The following MMRN1 variants were observed in gnomAD, a reference collection of about 807,000 sequenced individuals.
MMRN1 encodes the protein multimerin 1, also known as multimerin-1.
In MMRN1, 94 loss-of-function variants were observed where a neutral mutation model predicts 100.7. The ratio of observed to expected loss-of-function variants is 0.93; its 90% CI spans 0.79 to 1.11. The LOEUF is 1.11. MMRN1 is among the 50% of genes least tolerant of loss of function. The pLI, the probability that MMRN1 is intolerant of heterozygous loss-of-function variation, is 0.00. For missense variants in MMRN1, 1,606 were observed against 1,439.1 expected, an observed-to-expected ratio of 1.12 and a Z score of -1.88; for synonymous variants, 575 against 505.0, an observed-to-expected ratio of 1.14 and a Z score of -1.86.
intron 1 of MMRN1, among the ~76,000 whole-genome samples, chr4:89,898,518 T>G (rs917594275): frequency 6.6e-6 from 1 of 151,828 alleles, no homozygotes. Flanking sequence ...CTCGTGAGGC[T>G]TCACAGGCTA....
chr4:89,942,462 T>A (rs1051307891), intron 6 of MMRN1, among the ~76,000 whole-genome samples: 2 of 152,186 alleles, frequency 1.3e-5, no homozygotes, highest in Admixed American at 1.3e-4. Flanking sequence ...CATGATATTT[T>A]CATCCTGACA....
At chr4:89,903,955 T>C (rs1256386924) in intron 1 of MMRN1, among the ~76,000 whole-genome samples, 1 of 148,644 alleles carries the variant, frequency 6.7e-6, no homozygotes, top group Non-Finnish European at 1.5e-5. Flanking sequence ...TTCACACCTA[T>C]GTGTGCAGTT....
intron 1 of MMRN1, among the ~76,000 whole-genome samples, chr4:89,880,622 A>T (rs191247247): frequency 1.2e-4 from 18 of 152,316 alleles, no homozygotes; most frequent in African/African-American, 4.1e-4. Flanking sequence ...GTCCCTTCTC[A>T]TGATGAGAGG....
At chr4:89,942,433 A>G (rs1349092235) in intron 6 of MMRN1, among the ~76,000 whole-genome samples, 2 of 152,174 alleles carry the variant, frequency 1.3e-5, no homozygotes, top group Non-Finnish European at 2.9e-5. Context: ...TAAATTTGCT[A>G]TGGAATGATC....
chr4:89,916,408 G>T (rs1721921246), intron 3 of MMRN1, among the ~76,000 whole-genome samples: 3 of 149,820 alleles, frequency 2.0e-5, no homozygotes, highest in South Asian at 4.2e-4. Flanking sequence ...TAACAATGCT[G>T]CTAAAAGCAA....
intron 1 of MMRN1, among the ~76,000 whole-genome samples, chr4:89,889,838 G>A (rs915035175): frequency 1.3e-5 from 2 of 152,088 alleles, no homozygotes; most frequent in East Asian, 3.9e-4. Context: ...TACTTGCAAC[G>A]AAAAATCATT....
intron 5 of MMRN1, among the ~76,000 whole-genome samples, chr4:89,928,344 A>G (rs1213899533): frequency 1.3e-5 from 2 of 152,152 alleles, no homozygotes; most frequent in East Asian, 3.9e-4. Context: ...TCTCAATACT[A>G]TTGATGGAGA....
At position 89,935,317 on chromosome 4, in the gene MMRN1, T is replaced by C. The variant is rs1306421813; in HGVS notation, c.1637T>C (p.Met546Thr). 2.5e-6 allele frequency: 4 copies of C among 1,613,732 alleles called. No homozygotes were observed. Among genetic ancestry groups the C allele is most frequent in the South Asian group, 1.1e-5 (1 of 91,058 alleles). The change falls in exon 6 of 8, where the codon ATG (methionine) becomes ACG (threonine). Residue 546 changes from methionine (M) to threonine (T), a missense_variant. Met to Thr is a moderately conservative substitution (Grantham distance 81). Transcript: ENST00000264790. ...GTTAGCAATAATGTCACTGAGTACA[T>C]GTCTACTTTACATGAAAATATAAAG... ...ESVSNNVTEY[M>T]STLHENIKKQ...
At chr4:89,924,879 T>G (rs1384637951) in intron 4 of MMRN1, among the ~76,000 whole-genome samples, 1 of 151,952 alleles carries the variant, frequency 6.6e-6, no homozygotes, top group Non-Finnish European at 1.5e-5. Context: ...TTTAAATATA[T>G]ATATTTAACT....
At chr4:89,907,531 A>C (rs186531697) in intron 1 of MMRN1, among the ~76,000 whole-genome samples, 5 of 151,524 alleles carry the variant, frequency 3.3e-5, no homozygotes, top group African/African-American at 1.2e-4. Flanking sequence ...TTTTTTAAAA[A>C]ACAATTTTAG....
In MMRN1 at chr4:89,936,569, A is replaced by C. The variant is rs762980066; in HGVS notation, c.2889A>C (p.Leu963=). 1.9e-6 allele frequency: 3 copies of C among 1,612,548 alleles called. No individual in the cohort carries two copies. In the South Asian group the frequency reaches 3.3e-5, roughly 18 times the overall value. Residue 963 remains leucine, a synonymous_variant, in exon 6 of 8, where the codon CTA becomes CTC. Transcript: ENST00000264790. ...LPDIQLLQKG[L]TEFVEPIIQI... is the part of the protein sequence containing the mutation. The stretch of plus-strand genomic sequence containing the variant: ...ATATTCAACTTCTTCAGAAAGGTCT[A>C]ACAGAATTTGTGGAACCAATAATTC...
rs1260147187 is a variant in MMRN1, at chr4:89,954,348, C to T, written c.*930C>T. On this transcript the variant is annotated 3_prime_UTR_variant, in exon 8 of 8. Coordinates refer to ENST00000264790, the MANE Select transcript of MMRN1 (RefSeq NM_007351.3). ...AGAACCTAAGACACAGAGACCAAGG[C>T]CCATGAGCTCATAGGGCTGAGGCAG... 1 of 152,120 alleles carries T rather than the reference C, an allele frequency of 6.6e-6. No individual in the cohort carries two copies. The highest frequency in any genetic ancestry group is 1.5e-5 in the Non-Finnish European group (1 of 68,024). 9.4% of individuals were successfully genotyped at this position (152,120 alleles called of 1,614,324 possible).
intron 5 of MMRN1, among the ~76,000 whole-genome samples, chr4:89,931,943 T>C (rs1324264197): frequency 6.6e-6 from 1 of 152,116 alleles, no homozygotes; most frequent in Admixed American, 6.6e-5. Flanking sequence ...AATCATGCCT[T>C]CCCAACAGTC....
At chr4:89,937,211 C>T (rs886460233) in intron 6 of MMRN1, among the ~76,000 whole-genome samples, 5 of 152,038 alleles carry the variant, frequency 3.3e-5, no homozygotes, top group Non-Finnish European at 7.4e-5. Flanking sequence ...GTTGAATGAT[C>T]ATCTGACAAT....
In MMRN1 at chr4:89,901,261, C is replaced by T. The variant is rs549315885; in HGVS notation, c.623+5667C>T. Among the ~76,000 whole-genome samples the T allele has an allele frequency of 2.6e-5, 4 of 151,490 alleles. No individual in the cohort carries two copies. In the East Asian group the frequency reaches 7.8e-4, roughly 29 times the overall value. Reference sequence around the variant, plus strand: ...TATTTCATTTTAAATACAGAGGGCTCATACATATGTTAACATGTTAATGAG... The same window carrying T: ...TATTTCATTTTAAATACAGAGGGCTTATACATATGTTAACATGTTAATGAG... On this transcript the variant is annotated intron_variant, in intron 1 of 7. Transcript: ENST00000264790.
At chr4:89,901,154 GAA>G (rs372841987) in intron 1 of MMRN1, among the ~76,000 whole-genome samples, 2,826 of 112,122 alleles carry the variant, frequency 0.025, 93 homozygotes, top group African/African-American at 0.076. Flanking sequence ...GGGCTTTTAT[GAA>G]AAAAAAAAAA....
chr4:89,950,254 T>C (rs1723118554), intron 6 of MMRN1, among the ~76,000 whole-genome samples: 1 of 152,162 alleles, frequency 6.6e-6, no homozygotes, highest in Non-Finnish European at 1.5e-5. Context: ...CAGTGATCAT[T>C]TAGGAGTCTT....
Position 89,912,056 on chromosome 4 carries a change from C to T in MMRN1, c.850+6C>T, listed in dbSNP as rs1356001671. 2 of 1,529,420 alleles carry T rather than the reference C, an allele frequency of 1.3e-6. No individual in the cohort carries two copies. The highest frequency in any genetic ancestry group is 1.9e-5 in the Admixed American group (1 of 51,912). The allele number at this position is 1,529,420 out of a possible 1,614,324, so 94.7% of individuals were successfully genotyped here. A position where few individuals can be genotyped will look rare whatever the true frequency, so the allele number is the denominator to read the frequency against. On this transcript the variant is annotated splice_donor_region_variant and intron_variant, in intron 3 of 7. Coordinates refer to ENST00000264790, the MANE Select transcript of MMRN1 (RefSeq NM_007351.3). ...GCCGAAATGTCAACTAAGAGGTACA[C>T]TCTAATATTAATAATCACAATTCTG...
At chr4:89,899,569 A>G (rs758262493) in intron 1 of MMRN1, among the ~76,000 whole-genome samples, 1 of 152,210 alleles carries the variant, frequency 6.6e-6, no homozygotes, top group East Asian at 1.9e-4. Context: ...CCAATTGTGA[A>G]TGGGGTCAGT....
Sources: gnomAD v4.1 joint callset for allele counts (sites outside exome capture counted in the v4.1 genomes callset) on GRCh38, gnomAD v4.1.1 for gene constraint, MANE v1.5 for transcripts, NCBI Gene and HGNC (gene_info 2026-07-23, HGNC 2026-07-21) for gene names.